Variants in PEAK1 observed in about 807,000 individuals in gnomAD.
PEAK1 encodes the protein pseudopodium enriched atypical kinase 1.
Under a neutral mutation model 124.7 loss-of-function variants are expected in PEAK1, and 54 were observed. The observed-to-expected ratio is 0.43, with a 90% CI of 0.35 to 0.54. The LOEUF (loss-of-function observed/expected upper bound fraction) is 0.54, where lower values mean the gene tolerates loss of function less well. Ranked by LOEUF, PEAK1 falls within the 20% of genes least tolerant of loss-of-function variation. The pLI is 0.01. For synonymous variants in PEAK1, 719 were observed against 760.0 expected, an observed-to-expected ratio of 0.95 and a Z score of 0.89; for missense variants, 2,046 against 2,134.5, an observed-to-expected ratio of 0.96 and a Z score of 0.82.
intron 1 of PEAK1, among the ~76,000 whole-genome samples, chr15:77,380,902 T>C (rs1453054309): frequency 6.6e-6 from 1 of 152,194 alleles, no homozygotes; most frequent in Non-Finnish European, 1.5e-5. Context: ...TATCTACATT[T>C]AATACACAAT....
chr15:77,115,625 TAA>T (rs59655194), intron 9 of PEAK1, among the ~76,000 whole-genome samples: 33,730 of 152,072 alleles, frequency 0.22, 4,213 homozygotes, highest in Middle Eastern at 0.28. Context: ...TGTGCAAACC[TAA>T]GTTTGTTTAA....
At chr15:77,217,550 T>G (rs558865596) in intron 6 of PEAK1, among the ~76,000 whole-genome samples, 6 of 152,192 alleles carry the variant, frequency 3.9e-5, no homozygotes, top group Non-Finnish European at 2.9e-5. Context: ...ACAAGAGCAA[T>G]GTTTTGACAG....
intron 1 of PEAK1, among the ~76,000 whole-genome samples, chr15:77,377,307 C>T (rs1377416499): frequency 6.6e-6 from 1 of 152,110 alleles, no homozygotes; most frequent in Non-Finnish European, 1.5e-5. Context: ...TTGCTTAAGC[C>T]AGAAAGGTGG....
At chr15:77,147,377 C>T (rs981718676) in intron 8 of PEAK1, among the ~76,000 whole-genome samples, 3 of 152,014 alleles carry the variant, frequency 2.0e-5, no homozygotes, top group Non-Finnish European at 4.4e-5. Context: ...AGCCAAAAAT[C>T]GGTTGAATAA....
At chr15:77,250,331 C>G (rs2060821358) in intron 6 of PEAK1, among the ~76,000 whole-genome samples, 1 of 150,598 alleles carries the variant, frequency 6.6e-6, no homozygotes, top group African/African-American at 2.4e-5. Context: ...ACTGTAACCT[C>G]TGCTTCCTGG....
At chr15:77,407,050 G>A (rs988277692) in intron 1 of PEAK1, among the ~76,000 whole-genome samples, 30 of 152,100 alleles carry the variant, frequency 2.0e-4, no homozygotes, top group African/African-American at 6.5e-4. Flanking sequence ...CAAATGGTGC[G>A]GGGTAATTAG....
chr15:77,141,408 A>G (rs2053774567), intron 8 of PEAK1, among the ~76,000 whole-genome samples: 1 of 152,216 alleles, frequency 6.6e-6, no homozygotes. Context: ...ATGGAAAGAT[A>G]TCTTATGCTC....
chr15:77,262,260 T>C (rs1475814420), intron 5 of PEAK1, among the ~76,000 whole-genome samples: 1 of 152,146 alleles, frequency 6.6e-6, no homozygotes, highest in South Asian at 2.1e-4. Flanking sequence ...CACATAACAA[T>C]ATTAACTTTA....
rs189809920 is a variant in PEAK1 at position 77,139,892 on chromosome 15, G to C, written c.3332-6142C>G. ...GGAGAGAGAGAGCAAGAGAGTAAGA[G>C]AAGAGAAAAAATATGAGAATGCTAA... On this transcript the variant is annotated intron_variant, in intron 8 of 9. Transcript: ENST00000682557. Among the ~76,000 whole-genome samples the C allele has an allele frequency of 9.9e-5, 15 of 152,026 alleles. No homozygotes were observed. In the East Asian group the frequency reaches 2.9e-3, roughly 29 times the overall value.
At chr15:77,349,681 T>G in intron 2 of PEAK1, 1 of 984,872 alleles carries the variant, frequency 1.0e-6, no homozygotes, top group Non-Finnish European at 1.2e-6. Flanking sequence ...TCCTTTACAT[T>G]GTCCTTTCTT....
At chr15:77,215,428 A>C (rs2059105547) in intron 6 of PEAK1, among the ~76,000 whole-genome samples, 1 of 152,214 alleles carries the variant, frequency 6.6e-6, no homozygotes, top group Non-Finnish European at 1.5e-5. Context: ...GGGACCCCTG[A>C]GGATGCTCAA....
chr15:77,380,627 C>T (rs547910069), intron 1 of PEAK1, among the ~76,000 whole-genome samples: 5 of 151,988 alleles, frequency 3.3e-5, no homozygotes, highest in Non-Finnish European at 5.9e-5. Flanking sequence ...CACAGGCATG[C>T]AACACTATGC....
chr15:77,277,508 C>A (rs1396826924), intron 5 of PEAK1, among the ~76,000 whole-genome samples: 2 of 151,658 alleles, frequency 1.3e-5, no homozygotes, highest in Non-Finnish European at 2.9e-5. Flanking sequence ...TAAGATGGAA[C>A]TAATAGGGGA....
In PEAK1 at chr15:77,114,449, G is replaced by T; in HGVS notation, c.4948C>A (p.Pro1650Thr). The change falls in exon 10 of 10, where the codon CCT (proline) becomes ACT (threonine). Residue 1650 changes from proline to threonine, a missense_variant. Transcript: ENST00000682557. ...QLASCLLNPN[P>T]SERILISDAK... The stretch of plus-strand genomic sequence containing the variant: ...TCTGAAATGAGGATCCGCTCAGAAG[G>T]GTTGGGATTCAGGAGGCAGCTGGCC... 1.9e-6 allele frequency: 3 copies of T among 1,614,112 alleles called. No homozygotes were observed. The highest frequency in any genetic ancestry group is 1.1e-5 in the South Asian group (1 of 91,082).
chr15:77,339,884 T>C (rs894238323), intron 2 of PEAK1, among the ~76,000 whole-genome samples: 14 of 152,196 alleles, frequency 9.2e-5, no homozygotes, highest in African/African-American at 3.1e-4. Flanking sequence ...AAAATAAGCA[T>C]ATGTTAAGAG....
chr15:77,154,793 T>G (rs1245212069), intron 8 of PEAK1, among the ~76,000 whole-genome samples: 2 of 151,982 alleles, frequency 1.3e-5, no homozygotes, highest in African/African-American at 2.4e-5. Flanking sequence ...TTCTTTTCTT[T>G]AAGAATGTTG....
chr15:77,264,644 A>G (rs2061619490), intron 5 of PEAK1, among the ~76,000 whole-genome samples: 3 of 152,224 alleles, frequency 2.0e-5, no homozygotes, highest in Non-Finnish European at 4.4e-5. Context: ...GCTCATGGGT[A>G]GGAAGAATCA....
intron 1 of PEAK1, chr15:77,419,605 C>G (rs988349868): frequency 2.0e-6 from 2 of 985,128 alleles, no homozygotes; most frequent in Middle Eastern, 5.2e-4. Context: ...CCCTCCTGCC[C>G]CGGCCTCCCC....
At chr15:77,208,851 A>G (rs949664928) in intron 6 of PEAK1, among the ~76,000 whole-genome samples, 17 of 152,212 alleles carry the variant, frequency 1.1e-4, no homozygotes, top group Non-Finnish European at 2.9e-5. Context: ...TAAGAAAAAT[A>G]GGAAGTCATG....
Sources: gnomAD v4.1 joint callset for allele counts (sites outside exome capture counted in the v4.1 genomes callset) on GRCh38, gnomAD v4.1.1 for gene constraint, MANE v1.5 for transcripts, NCBI Gene and HGNC (gene_info 2026-07-23, HGNC 2026-07-21) for gene names.